ST6GALNAC3: variants seen among roughly 807,000 people sequenced by gnomAD.
ST6GALNAC3 encodes ST6 N-acetylgalactosaminide alpha-2,6-sialyltransferase 3.
ST6GALNAC3 carries 25 observed loss-of-function variants against 32.7 expected under a neutral mutation model. The observed-to-expected ratio is 0.76, with a 90% CI of 0.56 to 1.07. The LOEUF (loss-of-function observed/expected upper bound fraction) is 1.07. Among genes scored for constraint, ST6GALNAC3 ranks in the 50% least tolerant of loss-of-function variants. ST6GALNAC3 has a pLI of 0.00. For synonymous variants in ST6GALNAC3, 129 were observed against 133.1 expected (o/e 0.97, Z 0.21); for missense variants, 355 against 382.4 (o/e 0.93, Z 0.60).
chr1:76,354,752 T>C (rs1009243063), intron 2 of ST6GALNAC3, among the ~76,000 whole-genome samples: 2 of 152,088 alleles, frequency 1.3e-5, no homozygotes, highest in African/African-American at 4.8e-5. Context: ...CTTCTAAGAG[T>C]GTTGGTTTGG....
chr1:76,377,913 T>C (rs1651366231), intron 2 of ST6GALNAC3, among the ~76,000 whole-genome samples: 1 of 152,206 alleles, frequency 6.6e-6, no homozygotes, highest in South Asian at 2.1e-4. Flanking sequence ...GGTTGCAGGT[T>C]ACAATGATAT....
chr1:76,538,042 C>G (rs1013220461), intron 3 of ST6GALNAC3, among the ~76,000 whole-genome samples: 3 of 152,174 alleles, frequency 2.0e-5, no homozygotes, highest in African/African-American at 7.2e-5. Flanking sequence ...ATCCTGATAC[C>G]AAGACAGGGA....
chr1:76,389,938 T>G (rs948146369), intron 2 of ST6GALNAC3, among the ~76,000 whole-genome samples: 15 of 152,186 alleles, frequency 9.9e-5, no homozygotes, highest in African/African-American at 3.6e-4. Context: ...GACTTAATTT[T>G]TCATAATAGC....
intron 1 of ST6GALNAC3, among the ~76,000 whole-genome samples, chr1:76,283,011 C>T (rs913619374): frequency 6.6e-6 from 1 of 152,024 alleles, no homozygotes; most frequent in South Asian, 2.1e-4. Flanking sequence ...CGCCACTGCA[C>T]TCCAGCCTGG....
chr1:76,303,786 G>C (rs936640877), intron 1 of ST6GALNAC3, among the ~76,000 whole-genome samples: 21 of 152,150 alleles, frequency 1.4e-4, no homozygotes, highest in African/African-American at 4.8e-4. Context: ...CTCCAAGCAG[G>C]TTTACTAGTT....
intron 3 of ST6GALNAC3, among the ~76,000 whole-genome samples, chr1:76,524,944 A>C (rs1460027039): frequency 6.6e-6 from 1 of 152,058 alleles, no homozygotes; most frequent in African/African-American, 2.4e-5. Context: ...CCCTTTAGAA[A>C]AGAAAAAAAT....
At chr1:76,488,442 C>G (rs1325772451) in intron 3 of ST6GALNAC3, among the ~76,000 whole-genome samples, 3 of 152,170 alleles carry the variant, frequency 2.0e-5, no homozygotes, top group Admixed American at 6.6e-5. Flanking sequence ...AAACACTTCT[C>G]TTTATAAATT....
intron 1 of ST6GALNAC3, among the ~76,000 whole-genome samples, chr1:76,264,124 C>T (rs1291312528): frequency 6.6e-6 from 1 of 152,122 alleles, no homozygotes; most frequent in East Asian, 1.9e-4. Context: ...CCTCTATTCC[C>T]CACATTTTAC....
chr1:76,416,340 T>A (rs75249861), intron 3 of ST6GALNAC3, among the ~76,000 whole-genome samples: 28,762 of 152,006 alleles, frequency 0.19, 2,880 homozygotes, highest in Middle Eastern at 0.31. Flanking sequence ...TAAAGCTATT[T>A]TGTTTGATTT....
intron 1 of ST6GALNAC3, among the ~76,000 whole-genome samples, chr1:76,232,681 C>T (rs1570521753): frequency 6.6e-6 from 1 of 152,216 alleles, no homozygotes; most frequent in Admixed American, 6.5e-5. Flanking sequence ...CAAGTCCCTG[C>T]CCCTTAGTGC....
chr1:76,074,947 G>A (rs754152359), intron 1 of ST6GALNAC3, 63 bp downstream of exon 1: 5 of 1,557,760 alleles, frequency 3.2e-6, no homozygotes, highest in Non-Finnish European at 3.5e-6. Flanking sequence ...TCAGAGGCAC[G>A]GAGTCAGCCG....
At chr1:76,143,670 C>A (rs140503368) in intron 1 of ST6GALNAC3, among the ~76,000 whole-genome samples, 1 of 152,174 alleles carries the variant, frequency 6.6e-6, no homozygotes, top group African/African-American at 2.4e-5. Flanking sequence ...CTTCAGCCCA[C>A]GCCCATGCTG....
intron 1 of ST6GALNAC3, among the ~76,000 whole-genome samples, chr1:76,242,297 G>A (rs1309479499): frequency 6.6e-6 from 1 of 152,100 alleles, no homozygotes; most frequent in Non-Finnish European, 1.5e-5. Context: ...AAAACCCTGG[G>A]GGAGAGGAGT....
rs1347064268 is a variant in ST6GALNAC3 at position 76,303,512 on chromosome 1, G to T, written c.19-10293G>T. ...ACCTGAGTCTACCGGTACACCCCTGGTGAGAATCCACTTTTAGCTTTGTAA... is the reference window on the plus strand; with the variant it reads ...ACCTGAGTCTACCGGTACACCCCTGTTGAGAATCCACTTTTAGCTTTGTAA... On this transcript the variant is annotated intron_variant, in intron 1 of 4. Coordinates refer to ENST00000328299, the MANE Select transcript of ST6GALNAC3 (RefSeq NM_152996.4). Among the ~76,000 whole-genome samples, 4 of 152,134 alleles carry T rather than the reference G, an allele frequency of 2.6e-5. No individual in the cohort carries two copies. The East Asian group carries it at 7.8e-4, about 29-fold the overall frequency.
At chr1:76,625,401 A>T (rs771432643) in intron 3 of ST6GALNAC3, among the ~76,000 whole-genome samples, 1 of 151,860 alleles carries the variant, frequency 6.6e-6, no homozygotes. Flanking sequence ...AGTGATCTCT[A>T]TGAGTGCTTG....
At chr1:76,636,144 A>G (rs1226806404), downstream of ST6GALNAC3, among the ~76,000 whole-genome samples, 2 of 152,172 alleles carry the variant, frequency 1.3e-5, no homozygotes. Context: ...AAGGAACAAT[A>G]TATTGCTCTA....
At chr1:76,560,992 T>C (rs1665212363) in intron 3 of ST6GALNAC3, among the ~76,000 whole-genome samples, 1 of 152,206 alleles carries the variant, frequency 6.6e-6, no homozygotes, top group Admixed American at 6.5e-5. Context: ...CTGGTACTTA[T>C]ACACAACAGA....
At chr1:76,508,995 A>G (rs1661661410) in intron 3 of ST6GALNAC3, among the ~76,000 whole-genome samples, 1 of 152,206 alleles carries the variant, frequency 6.6e-6, no homozygotes, top group Non-Finnish European at 1.5e-5. Flanking sequence ...ACCAAGTAGG[A>G]CAGAATAGGC....
chr1:76,325,882 T>C (rs1317393673), intron 2 of ST6GALNAC3, among the ~76,000 whole-genome samples: 2 of 151,894 alleles, frequency 1.3e-5, no homozygotes, highest in Non-Finnish European at 2.9e-5. Flanking sequence ...TATATAATTG[T>C]TGCTTGTAGT....
Sources: gnomAD v4.1 joint callset for allele counts (sites outside exome capture counted in the v4.1 genomes callset) on GRCh38, gnomAD v4.1.1 for gene constraint, MANE v1.5 for transcripts, NCBI Gene and HGNC (gene_info 2026-07-23, HGNC 2026-07-21) for gene names.